RIMS1: variants seen among roughly 807,000 people sequenced by gnomAD.
The protein encoded by RIMS1 is regulating synaptic membrane exocytosis protein 1.
RIMS1 carries 83 observed loss-of-function variants against 214.1 expected under a neutral mutation model. That is an observed-to-expected ratio of 0.39 (90% CI 0.32 to 0.47). The LOEUF is 0.47. RIMS1 is among the 20% of genes least tolerant of loss of function. The pLI, the probability that RIMS1 is intolerant of heterozygous loss-of-function variation, is 0.99. For missense variants in RIMS1, 2,050 were observed against 2,161.8 expected, an observed-to-expected ratio of 0.95 and a Z score of 1.03; for synonymous variants, 793 against 786.8, an observed-to-expected ratio of 1.01 and a Z score of -0.13.
chr6:72,210,433 A>G (rs2053618579), intron 6 of RIMS1, among the ~76,000 whole-genome samples: 1 of 152,186 alleles, frequency 6.6e-6, no homozygotes, highest in African/African-American at 2.4e-5. Flanking sequence ...TCCTGAATAC[A>G]TGTGATTGGG....
intron 2 of RIMS1, among the ~76,000 whole-genome samples, chr6:72,008,372 T>C (rs1359859776): frequency 2.6e-5 from 4 of 152,062 alleles, no homozygotes; most frequent in Non-Finnish European, 5.9e-5. Flanking sequence ...CAAAAACATG[T>C]CAAATTGTAA....
chr6:72,089,416 G>T lies in RIMS1; in HGVS notation c.246-7533G>T, dbSNP rs975849589. On this transcript the variant is annotated intron_variant, in intron 2 of 33. Coordinates refer to ENST00000521978, the MANE Select transcript of RIMS1 (RefSeq NM_014989.7). ...GGACAGTAGGTTTCTGATTTCTGCG[G>T]CTTCCTGATTGAGGAATTTGGTATT... Among the ~76,000 whole-genome samples the T allele has an allele frequency of 1.9e-4, 29 of 152,204 alleles. 1 individual carries two copies. The highest frequency in any genetic ancestry group is 6.0e-4 in the African/African-American group (25 of 41,530).
In RIMS1 at chr6:72,254,585, G is replaced by A. The variant is rs183164082; in HGVS notation, c.2770+1753G>A. ...TAAATAGAATTTGCTTCGGTGAGTGGTTCCCAAATTTCATTCACCTGAAAT... is the reference window on the plus strand; with the variant it reads ...TAAATAGAATTTGCTTCGGTGAGTGATTCCCAAATTTCATTCACCTGAAAT... On this transcript the variant is annotated intron_variant, in intron 16 of 33. Coordinates refer to ENST00000521978, the MANE Select transcript of RIMS1 (RefSeq NM_014989.7). Among the ~76,000 whole-genome samples the A allele has an allele frequency of 5.7e-3, 871 of 152,250 alleles. 7 individuals carry two copies. Among genetic ancestry groups the A allele is most frequent in the Middle Eastern group, 0.02 (6 of 294 alleles).
chr6:72,206,037 T>A (rs2052843963), intron 6 of RIMS1, among the ~76,000 whole-genome samples: 1 of 152,206 alleles, frequency 6.6e-6, no homozygotes, highest in African/African-American at 2.4e-5. Flanking sequence ...AATATACTTA[T>A]ATTTTTTTCT....
At position 72,274,382 on chromosome 6, in the gene RIMS1, ACCT is replaced by A; in HGVS notation, c.3436_3438del (p.Pro1146del). The stretch of plus-strand genomic sequence containing the variant: ...GGTCCCCCTCCCTAGATAGGAGACG[ACCT>A]CCTAGTCCCAGGATTCAAATCCAGC... On this transcript the variant is annotated inframe_deletion, in exon 23 of 34. Coordinates refer to ENST00000521978, the MANE Select transcript of RIMS1 (RefSeq NM_014989.7). 1 of 1,612,956 alleles carries A rather than the reference ACCT, an allele frequency of 6.2e-7. No homozygotes were observed. The highest frequency in any genetic ancestry group is 8.5e-7 in the Non-Finnish European group (1 of 1,179,258).
intron 33 of RIMS1, among the ~76,000 whole-genome samples, chr6:72,399,887 G>T (rs12153945): frequency 6.6e-6 from 1 of 152,094 alleles, no homozygotes; most frequent in Non-Finnish European, 1.5e-5. Context: ...AGTTGACCTA[G>T]ATTGTGGTAA....
chr6:72,370,398 A>G (rs2098178744), intron 29 of RIMS1, among the ~76,000 whole-genome samples: 1 of 152,186 alleles, frequency 6.6e-6, no homozygotes. Flanking sequence ...ACAGTCATGA[A>G]TGCCCTTTGC....
At chr6:72,059,526 G>A (rs1265910897) in intron 2 of RIMS1, among the ~76,000 whole-genome samples, 1 of 152,104 alleles carries the variant, frequency 6.6e-6, no homozygotes, top group East Asian at 1.9e-4. Context: ...ACCATATCTG[G>A]CCCTCTACCA....
intron 2 of RIMS1, among the ~76,000 whole-genome samples, chr6:72,088,617 G>A (rs1387167409): frequency 1.3e-5 from 2 of 152,092 alleles, no homozygotes; most frequent in Non-Finnish European, 2.9e-5. Context: ...TGCTCTCATA[G>A]AAGCTCTTTT....
intron 10 of RIMS1, among the ~76,000 whole-genome samples, chr6:72,243,288 A>T (rs1312240649): frequency 6.6e-6 from 1 of 151,732 alleles, no homozygotes; most frequent in African/African-American, 2.4e-5. Context: ...AATATATGTC[A>T]ATGCAAAACA....
At chr6:72,153,984 T>C (rs1023165412) in intron 4 of RIMS1, among the ~76,000 whole-genome samples, 1 of 152,156 alleles carries the variant, frequency 6.6e-6, no homozygotes, top group East Asian at 1.9e-4. Flanking sequence ...ATTGAGAACA[T>C]AACTCTTACC....
chr6:72,363,143 G>A (rs143557096), intron 29 of RIMS1, among the ~76,000 whole-genome samples: 1 of 152,286 alleles, frequency 6.6e-6, no homozygotes, highest in African/African-American at 2.4e-5. Context: ...GGATTAGAAA[G>A]GGTGTGCAAG....
At chr6:72,318,922 T>G (rs2095987887) in intron 28 of RIMS1, among the ~76,000 whole-genome samples, 1 of 152,216 alleles carries the variant, frequency 6.6e-6, no homozygotes, top group African/African-American at 2.4e-5. Flanking sequence ...TTTCCCATCA[T>G]AATTACTAGG....
intron 4 of RIMS1, among the ~76,000 whole-genome samples, chr6:72,125,973 G>A (rs891484947): frequency 6.6e-6 from 1 of 152,190 alleles, no homozygotes; most frequent in Non-Finnish European, 1.5e-5. Context: ...CCCTGCTTTG[G>A]CTCACCCTCC....
At chr6:72,108,345 C>A (rs2035224073) in intron 4 of RIMS1, among the ~76,000 whole-genome samples, 1 of 152,146 alleles carries the variant, frequency 6.6e-6, no homozygotes, top group Non-Finnish European at 1.5e-5. Context: ...CTGCCTCTGC[C>A]TCCCAAAGTG....
Position 72,238,881 on chromosome 6 carries a change from A to G in RIMS1, c.1957+959A>G, listed in dbSNP as rs115684329. Reference sequence around the variant, plus strand: ...TAAAGACTTTTCAGTATATTTGTTTACCAGGATATCAGTTCAAAATCATTT... The same window carrying G: ...TAAAGACTTTTCAGTATATTTGTTTGCCAGGATATCAGTTCAAAATCATTT... On this transcript the variant is annotated intron_variant, in intron 9 of 33. Transcript: ENST00000521978. Among the ~76,000 whole-genome samples the G allele has an allele frequency of 8.1e-3, 1,229 of 152,254 alleles. 18 individuals carry two copies. The highest frequency in any genetic ancestry group is 0.029 in the African/African-American group (1,194 of 41,574).
intron 4 of RIMS1, among the ~76,000 whole-genome samples, chr6:72,149,600 C>T (rs2043234133): frequency 6.6e-6 from 1 of 152,172 alleles, no homozygotes; most frequent in Admixed American, 6.5e-5. Context: ...TCTTAACTGG[C>T]TAATTGGAGG....
chr6:72,400,115 T>C (rs898569854), intron 33 of RIMS1, among the ~76,000 whole-genome samples: 2 of 152,176 alleles, frequency 1.3e-5, no homozygotes, highest in Admixed American at 6.5e-5. Context: ...CCCTCCTAAA[T>C]TGCACAAATT....
chr6:72,189,260 T>C (rs538180304), intron 6 of RIMS1, among the ~76,000 whole-genome samples: 17 of 152,340 alleles, frequency 1.1e-4, no homozygotes, highest in African/African-American at 3.6e-4. Context: ...TAGTTGGTGT[T>C]GTCATTGCGA....
Sources: gnomAD v4.1 joint callset for allele counts (sites outside exome capture counted in the v4.1 genomes callset) on GRCh38, gnomAD v4.1.1 for gene constraint, MANE v1.5 for transcripts, NCBI Gene and HGNC (gene_info 2026-07-23, HGNC 2026-07-21) for gene names.